Variants in TMTC4 observed in about 807,000 individuals in gnomAD.
The protein encoded by TMTC4 is protein O-mannosyl-transferase TMTC4.
TMTC4 carries 65 observed loss-of-function variants against 86.0 expected under a neutral mutation model. The ratio of observed to expected loss-of-function variants is 0.76; its 90% CI spans 0.62 to 0.93. The LOEUF (loss-of-function observed/expected upper bound fraction) is 0.93. TMTC4 is among the 40% of genes least tolerant of loss of function. TMTC4 has a pLI of 0.00. For missense variants in TMTC4, 866 were observed against 948.1 expected (o/e 0.91, Z 1.14); for synonymous variants, 379 against 382.5 (o/e 0.99, Z 0.11).
At chr13:100,607,998 T>C (rs1458157778) in intron 17 of TMTC4, among the ~76,000 whole-genome samples, 1 of 152,114 alleles carries the variant, frequency 6.6e-6, no homozygotes, top group African/African-American at 2.4e-5. Flanking sequence ...CTCTGGGCTG[T>C]TTCTGATGAT....
At chr13:100,665,564 C>T (rs1380056022) in intron 3 of TMTC4, among the ~76,000 whole-genome samples, 2 of 152,222 alleles carry the variant, frequency 1.3e-5, no homozygotes, top group South Asian at 2.1e-4. Flanking sequence ...GCCCCCACCT[C>T]GCGTGACCAG....
rs1288700759 is a variant in TMTC4, at chr13:100,635,024, C to G, written c.1374G>C (p.Lys458Asn). The change falls in exon 11 of 19, where the codon AAG becomes AAC. Residue 458 changes from lysine to asparagine, a missense_variant and splice_region_variant. Transcript: ENST00000342624. Reference sequence around the variant, plus strand: ...AGCTGGCACCACTCTCAGTTGATACCTTTTTCTTGGTATGTTTGCTCAGGG... The same window carrying G: ...AGCTGGCACCACTCTCAGTTGATACGTTTTTCTTGGTATGTTTGCTCAGGG... ...FGALSKHTKK[K>N]KLIAAVVLGI... 1.9e-6 allele frequency: 3 copies of G among 1,611,012 alleles called. No homozygotes were observed. The highest frequency in any genetic ancestry group is 2.2e-5 in the East Asian group (1 of 44,806).
intron 12 of TMTC4, among the ~76,000 whole-genome samples, chr13:100,632,700 T>C (rs972035574): frequency 1.3e-5 from 2 of 152,238 alleles, no homozygotes; most frequent in Non-Finnish European, 2.9e-5. Context: ...TATTATTCTT[T>C]ACTTAAGTTT....
Position 100,604,948 on chromosome 13 carries a change from C to T in TMTC4, c.*46G>A. On this transcript the variant is annotated 3_prime_UTR_variant, in exon 19 of 19. Coordinates refer to ENST00000342624, the MANE Select transcript of TMTC4 (RefSeq NM_032813.5). Reference sequence around the variant, plus strand: ...GTAACCACATACTATTAATGATATGCCTCATGCACACACACACTCAAACTC... The same window carrying T: ...GTAACCACATACTATTAATGATATGTCTCATGCACACACACACTCAAACTC... 1 of 1,586,614 alleles carries T rather than the reference C, an allele frequency of 6.3e-7. No individual in the cohort carries two copies. Among genetic ancestry groups the T allele is most frequent in the Non-Finnish European group, 8.6e-7 (1 of 1,167,816 alleles).
At chr13:100,634,301 C>T (rs1881879380) in intron 12 of TMTC4, among the ~76,000 whole-genome samples, 1 of 152,148 alleles carries the variant, frequency 6.6e-6, no homozygotes, top group Non-Finnish European at 1.5e-5. Context: ...CCAAAGGTGA[C>T]ATAAATGTGT....
At chr13:100,652,728 G>A (rs887839385) in intron 6 of TMTC4, among the ~76,000 whole-genome samples, 4 of 152,160 alleles carry the variant, frequency 2.6e-5, no homozygotes, top group Admixed American at 2.0e-4. Flanking sequence ...CTGCTATGAG[G>A]GGTACAGGAA....
intron 15 of TMTC4, among the ~76,000 whole-genome samples, chr13:100,621,889 CT>C (rs762471382): frequency 1.7e-4 from 26 of 152,218 alleles, no homozygotes; most frequent in African/African-American, 6.0e-4. Context: ...CACCCCACCC[CT>C]ATTCTCACTT....
In TMTC4 at chr13:100,664,184, G is replaced by A. The variant is rs760182443; in HGVS notation, c.335+37C>T. 4.5e-6 allele frequency: 7 copies of A among 1,547,766 alleles called. No homozygotes were observed. The Admixed American group carries it at 9.4e-5, about 21-fold the overall frequency. On this transcript the variant is annotated intron_variant, in intron 4 of 18. Transcript: ENST00000342624. ...GTATCCAATGTCACACACAAGCTGG[G>A]AGGGACCTTCCCAGGCCCTTCAATG...
chr13:100,623,555 A>G (rs755956367), intron 15 of TMTC4, among the ~76,000 whole-genome samples: 2 of 148,456 alleles, frequency 1.3e-5, no homozygotes, highest in South Asian at 4.4e-4. Flanking sequence ...TTTAAAACAG[A>G]TTCTCTATAG....
chr13:100,674,016 T>C, intron 1 of TMTC4: 1 of 984,414 alleles, frequency 1.0e-6, no homozygotes, highest in Non-Finnish European at 1.2e-6. Context: ...GTGTGTGGTT[T>C]AAAAAAAAGA....
chr13:100,657,697 T>C (rs1162593747), intron 5 of TMTC4, among the ~76,000 whole-genome samples: 4 of 152,248 alleles, frequency 2.6e-5, no homozygotes, highest in Non-Finnish European at 5.9e-5. Context: ...GATGGGGATG[T>C]GATATATGAG....
intron 1 of TMTC4, chr13:100,674,475 G>A (rs1887573767): frequency 2.2e-6 from 2 of 919,100 alleles, no homozygotes; most frequent in Admixed American, 7.1e-5. Flanking sequence ...GAGAAGCTCA[G>A]GGGCCCGAGC....
At chr13:100,663,766 G>A (rs979566404) in intron 4 of TMTC4, among the ~76,000 whole-genome samples, 2 of 152,148 alleles carry the variant, frequency 1.3e-5, no homozygotes, top group Admixed American at 1.3e-4. Flanking sequence ...AGGTATGGAC[G>A]AGAACCTTTG....
intron 17 of TMTC4, 68 bp downstream of exon 17, chr13:100,612,330 G>GT (rs1384587029): frequency 8.1e-6 from 10 of 1,240,412 alleles, no homozygotes; most frequent in Non-Finnish European, 1.2e-5. Flanking sequence ...CTGGGCAGAA[G>GT]TAACACTTAC....
At chr13:100,639,673 C>T (rs1459790003) in intron 7 of TMTC4, among the ~76,000 whole-genome samples, 1 of 152,214 alleles carries the variant, frequency 6.6e-6, no homozygotes, top group African/African-American at 2.4e-5. Context: ...GGCGTGGTGG[C>T]TCACGCCTGT....
chr13:100,634,924 C>G lies in TMTC4; in HGVS notation c.1387G>C (p.Ala463Pro), dbSNP rs368901683. ...KHTKKKKLIA[A>P]VVLGILFINT... ...ATGAATAAGATTCCCAGCACGACAG[C>G]GGCAATGAGTTTCTTAAGAACAGAA... Residue 463 changes from alanine to proline, a missense_variant, in exon 12 of 19, where the codon GCT (alanine) becomes CCT (proline). Ala to Pro is a conservative substitution (Grantham distance 27, BLOSUM62 -1). Transcript: ENST00000342624. 6.2e-7 allele frequency: 1 copy of G among 1,613,864 alleles called. No homozygotes were observed. Among genetic ancestry groups the G allele is most frequent in the Non-Finnish European group, 8.5e-7 (1 of 1,179,912 alleles).
chr13:100,606,403 C>T lies in TMTC4; in HGVS notation c.2089G>A (p.Ala697Thr). ...YKESEALFLKAIKANPNAASY... is the reference protein window; with the variant it reads ...YKESEALFLKTIKANPNAASY... ...GCAGCATTTGGATTTGCTTTAATTG[C>T]CTTGAGGAATAAAGCTTCAGATTCC... The change falls in exon 18 of 19, where the codon GCA (alanine) becomes ACA (threonine). Residue 697 changes from alanine (A) to threonine (T), a missense_variant. By Grantham distance (58) the Ala-to-Thr change is moderately conservative. Transcript: ENST00000342624. The T allele has an allele frequency of 1.2e-6, 2 of 1,613,240 alleles. No individual in the cohort carries two copies. Among genetic ancestry groups the T allele is most frequent in the South Asian group, 1.1e-5 (1 of 90,708 alleles).
intron 10 of TMTC4, among the ~76,000 whole-genome samples, chr13:100,635,940 AG>A (rs1882150260): frequency 1.3e-5 from 2 of 152,352 alleles, no homozygotes; most frequent in East Asian, 3.9e-4. Flanking sequence ...TTCAACACAC[AG>A]GTAAACTTAA....
intron 16 of TMTC4, 123 bp downstream of exon 16, chr13:100,614,193 T>C: frequency 1.4e-6 from 1 of 735,042 alleles, no homozygotes; most frequent in Non-Finnish European, 2.2e-6. Flanking sequence ...AATAATTAAC[T>C]TCACATTAAT....
Sources: allele counts gnomAD v4.1 joint callset (sites outside exome capture counted in the v4.1 genomes callset), GRCh38; gene constraint gnomAD v4.1.1; transcripts MANE v1.5; gene names NCBI Gene and HGNC (gene_info 2026-07-23, HGNC 2026-07-21).